TAFA2: variants seen among roughly 807,000 people sequenced by gnomAD.
The protein encoded by TAFA2 is chemokine-like protein TAFA-2.
In TAFA2, 7 loss-of-function variants were observed where a neutral mutation model predicts 18.8. The ratio of observed to expected loss-of-function variants is 0.37; its 90% confidence interval spans 0.21 to 0.70. TAFA2 has a LOEUF of 0.70. Ranked by LOEUF, TAFA2 falls within the 30% of genes least tolerant of loss-of-function variation. The pLI is 0.53. For synonymous variants in TAFA2, 60 were observed against 54.2 expected (o/e 1.11, Z -0.47); for missense variants, 122 against 158.1 (o/e 0.77, Z 1.23).
rs149429931 is a variant in TAFA2 at position 61,921,939 on chromosome 12, T to C, written c.-1-54513A>G. 3.0e-3 allele frequency among the ~76,000 whole-genome samples: 454 copies of C among 152,132 alleles called. 1 individual carries two copies. Among genetic ancestry groups the C allele is most frequent in the Admixed American group, 7.4e-3 (113 of 15,282 alleles). On this transcript the variant is annotated intron_variant, in intron 1 of 4. Transcript: ENST00000416284. ...TGTCCTTCAAGTCAAATAAAGAAAGTTTATCAAAAAGAAGTATGTGATTAA... is the reference window on the plus strand; with the variant it reads ...TGTCCTTCAAGTCAAATAAAGAAAGCTTATCAAAAAGAAGTATGTGATTAA...
intron 1 of TAFA2, among the ~76,000 whole-genome samples, chr12:62,001,417 A>C (rs2136701000): frequency 6.6e-6 from 1 of 152,208 alleles, no homozygotes; most frequent in Non-Finnish European, 1.5e-5. Flanking sequence ...ATTCACCATA[A>C]TGTAGAATCA....
chr12:61,733,186 G>A (rs1477459048), intron 4 of TAFA2, among the ~76,000 whole-genome samples: 2 of 152,146 alleles, frequency 1.3e-5, no homozygotes, highest in South Asian at 4.1e-4. Context: ...TCTGTCAGAT[G>A]AGTAGGTTGT....
At chr12:61,792,354 G>A (rs1476850123) in intron 2 of TAFA2, among the ~76,000 whole-genome samples, 1 of 151,590 alleles carries the variant, frequency 6.6e-6, no homozygotes, top group Non-Finnish European at 1.5e-5. Context: ...ACAGTTAACA[G>A]TAAGGTACTG....
At chr12:61,938,558 G>T (rs2121413589) in intron 1 of TAFA2, among the ~76,000 whole-genome samples, 1 of 152,154 alleles carries the variant, frequency 6.6e-6, no homozygotes, top group South Asian at 2.1e-4. Flanking sequence ...CCACTCCTGG[G>T]TATCTACCCA....
At chr12:62,143,530 T>G (rs188752064) in intron 1 of TAFA2, among the ~76,000 whole-genome samples, 1 of 152,186 alleles carries the variant, frequency 6.6e-6, no homozygotes, top group African/African-American at 2.4e-5. Context: ...CAGGGTAACA[T>G]CCCTAGGGAC....
At chr12:61,715,439 C>T (rs1458333615) in intron 4 of TAFA2, among the ~76,000 whole-genome samples, 2 of 151,934 alleles carry the variant, frequency 1.3e-5, no homozygotes, top group Non-Finnish European at 2.9e-5. Flanking sequence ...AGCTCTGCCT[C>T]CTGGGTTCAT....
intron 1 of TAFA2, among the ~76,000 whole-genome samples, chr12:62,191,001 T>G (rs1401640381): frequency 6.6e-6 from 1 of 151,784 alleles, no homozygotes; most frequent in Non-Finnish European, 1.5e-5. Context: ...TCACGGAGCC[T>G]CATTTCGCAT....
At chr12:62,177,731 G>A (rs1354997479) in intron 1 of TAFA2, among the ~76,000 whole-genome samples, 1 of 152,190 alleles carries the variant, frequency 6.6e-6, no homozygotes, top group East Asian at 1.9e-4. Context: ...ATAACCCCCA[G>A]CAGTCACCTA....
chr12:61,712,398 AAT>A (rs1869454989), intron 4 of TAFA2, among the ~76,000 whole-genome samples: 1 of 152,186 alleles, frequency 6.6e-6, no homozygotes, highest in Admixed American at 6.6e-5. Context: ...TAATTTTGAA[AAT>A]AGACATCTAA....
At chr12:61,910,481 A>G (rs543458673) in intron 1 of TAFA2, among the ~76,000 whole-genome samples, 9 of 152,184 alleles carry the variant, frequency 5.9e-5, no homozygotes, top group East Asian at 1.9e-4. Flanking sequence ...CAGCCTCTCA[A>G]TTCAGTGACC....
chr12:61,735,664 A>T (rs10784255), intron 4 of TAFA2, among the ~76,000 whole-genome samples: 52,188 of 151,624 alleles, frequency 0.34, 8,979 homozygotes, highest in South Asian at 0.38. Context: ...TCTTTTGTAT[A>T]GTTTTTATTA....
chr12:61,768,006 G>A (rs1400872226), intron 2 of TAFA2, among the ~76,000 whole-genome samples: 2 of 152,026 alleles, frequency 1.3e-5, no homozygotes, highest in East Asian at 3.9e-4. Context: ...AGAACCACTT[G>A]TCAGCAAGTC....
intron 2 of TAFA2, among the ~76,000 whole-genome samples, chr12:61,821,575 G>C (rs146713671): frequency 9.0e-4 from 137 of 152,144 alleles, no homozygotes; most frequent in Non-Finnish European, 1.7e-3. Flanking sequence ...AGCTATTTCA[G>C]AGCTGTCCTA....
rs539787611 is a variant in TAFA2 at position 61,722,096 on chromosome 12, C to T, written c.385-11679G>A. On this transcript the variant is annotated intron_variant, in intron 4 of 4. Coordinates refer to ENST00000416284, the MANE Select transcript of TAFA2 (RefSeq NM_178539.5). ...TGAGTAACAATAATAAATAATAAAT[C>T]GTATGTAAATTGGCTATTAATAGTA... Among the ~76,000 whole-genome samples, 11 of 152,030 alleles carry T rather than the reference C, an allele frequency of 7.2e-5. No individual in the cohort carries two copies. In the East Asian group the frequency reaches 1.4e-3, roughly 19 times the overall value.
chr12:62,084,520 T>C (rs890039130), intron 1 of TAFA2, among the ~76,000 whole-genome samples: 11 of 152,276 alleles, frequency 7.2e-5, no homozygotes, highest in African/African-American at 2.4e-4. Context: ...TCTGCAATCA[T>C]TTTTAAGAGA....
intron 1 of TAFA2, among the ~76,000 whole-genome samples, chr12:62,148,265 T>C (rs1208795609): frequency 6.6e-6 from 1 of 152,214 alleles, no homozygotes; most frequent in Admixed American, 6.5e-5. Flanking sequence ...AACAGCACTA[T>C]TCACAATGGC....
At chr12:61,807,170 G>C (rs994994594) in intron 2 of TAFA2, among the ~76,000 whole-genome samples, 1 of 151,252 alleles carries the variant, frequency 6.6e-6, no homozygotes, top group African/African-American at 2.5e-5. Context: ...GGTTTTGTGG[G>C]CTGGGCCCAG....
At chr12:61,909,395 T>C (rs1876504859) in intron 1 of TAFA2, among the ~76,000 whole-genome samples, 1 of 152,142 alleles carries the variant, frequency 6.6e-6, no homozygotes, top group South Asian at 2.1e-4. Context: ...GGTTAGGAAA[T>C]ACACATTTGG....
chr12:61,752,912 T>C (rs1454408937), intron 4 of TAFA2, among the ~76,000 whole-genome samples: 1 of 151,986 alleles, frequency 6.6e-6, no homozygotes, highest in East Asian at 1.9e-4. Context: ...AAACAAAACC[T>C]TCCTTTGCTA....
Sources: allele counts gnomAD v4.1 joint callset (sites outside exome capture counted in the v4.1 genomes callset), GRCh38; gene constraint gnomAD v4.1.1; transcripts MANE v1.5; gene names NCBI Gene and HGNC (gene_info 2026-07-23, HGNC 2026-07-21).